Variants in EPHA3 observed in about 807,000 individuals in gnomAD.
The protein encoded by EPHA3 is ephrin type-A receptor 3.
Under a neutral mutation model 107.1 loss-of-function variants are expected in EPHA3, and 42 were observed. That is an observed-to-expected ratio of 0.39 (90% CI 0.31 to 0.51). The LOEUF (loss-of-function observed/expected upper bound fraction) is 0.51, where lower values mean the gene tolerates loss of function less well. Among genes scored for constraint, EPHA3 ranks in the 20% least tolerant of loss-of-function variants. EPHA3 has a pLI of 0.78. For synonymous variants in EPHA3, 461 were observed against 424.8 expected, an observed-to-expected ratio of 1.09 and a Z score of -1.05; for missense variants, 1,183 against 1,211.2, an observed-to-expected ratio of 0.98 and a Z score of 0.35.
intron 5 of EPHA3, among the ~76,000 whole-genome samples, chr3:89,388,289 T>C (rs1416908317): frequency 1.3e-5 from 2 of 152,182 alleles, no homozygotes; most frequent in Admixed American, 6.5e-5. Flanking sequence ...AAGCCGGCAC[T>C]ATGCTAGGCA....
At chr3:89,149,249 A>G (rs956567047) in intron 2 of EPHA3, among the ~76,000 whole-genome samples, 4 of 152,022 alleles carry the variant, frequency 2.6e-5, no homozygotes, top group African/African-American at 9.7e-5. Context: ...ATATTTACCA[A>G]AAGCAATCTA....
intron 3 of EPHA3, among the ~76,000 whole-genome samples, chr3:89,315,150 T>C (rs1706865432): frequency 1.3e-5 from 2 of 151,898 alleles, no homozygotes; most frequent in Non-Finnish European, 2.9e-5. Context: ...AACATTGTTA[T>C]GTGGTATGTG....
At chr3:89,272,394 G>A (rs1705692488) in intron 3 of EPHA3, among the ~76,000 whole-genome samples, 1 of 151,760 alleles carries the variant, frequency 6.6e-6, no homozygotes, top group Non-Finnish European at 1.5e-5. Context: ...ACACAGCTGT[G>A]GTTGTATTGA....
chr3:89,292,654 A>G (rs1016533149), intron 3 of EPHA3, among the ~76,000 whole-genome samples: 3 of 152,204 alleles, frequency 2.0e-5, no homozygotes, highest in Non-Finnish European at 4.4e-5. Flanking sequence ...AAGCATTAGC[A>G]TATCAATTCA....
intron 3 of EPHA3, among the ~76,000 whole-genome samples, chr3:89,307,991 A>T (rs148708539): frequency 0.011 from 1,603 of 152,304 alleles, 29 homozygotes; most frequent in African/African-American, 0.036. Context: ...AATTATTGCT[A>T]TTGAAAATTG....
At chr3:89,194,862 A>G (rs1705800243) in intron 2 of EPHA3, among the ~76,000 whole-genome samples, 1 of 152,028 alleles carries the variant, frequency 6.6e-6, no homozygotes, top group Non-Finnish European at 1.5e-5. Flanking sequence ...AGCAGTATAT[A>G]CCATGCCGAA....
intron 5 of EPHA3, among the ~76,000 whole-genome samples, chr3:89,386,886 T>C (rs1708633006): frequency 6.6e-6 from 1 of 152,212 alleles, no homozygotes; most frequent in South Asian, 2.1e-4. Flanking sequence ...TATTGCCTTG[T>C]TTGATTTTGG....
intron 2 of EPHA3, among the ~76,000 whole-genome samples, chr3:89,172,882 T>C (rs1375110492): frequency 1.3e-5 from 2 of 152,344 alleles, no homozygotes; most frequent in South Asian, 4.1e-4. Flanking sequence ...AACATTTTGA[T>C]GTATTTTAGG....
chr3:89,393,367 C>A (rs953144554), intron 5 of EPHA3, among the ~76,000 whole-genome samples: 1 of 152,130 alleles, frequency 6.6e-6, no homozygotes, highest in Admixed American at 6.6e-5. Flanking sequence ...TGGACAGACC[C>A]CCAAAACAGC....
At chr3:89,225,862 C>A (rs1559609033) in intron 3 of EPHA3, among the ~76,000 whole-genome samples, 1 of 152,104 alleles carries the variant, frequency 6.6e-6, no homozygotes, top group African/African-American at 2.4e-5. Flanking sequence ...ACCCAAGGGG[C>A]TATGATAACA....
chr3:89,311,185 G>A (rs1045284354), intron 3 of EPHA3, among the ~76,000 whole-genome samples: 3 of 152,014 alleles, frequency 2.0e-5, no homozygotes, highest in African/African-American at 7.2e-5. Flanking sequence ...CCCTCCCTAT[G>A]TTATAAAATT....
chr3:89,177,834 T>C (rs538797858), intron 2 of EPHA3, among the ~76,000 whole-genome samples: 2 of 152,290 alleles, frequency 1.3e-5, no homozygotes, highest in East Asian at 3.9e-4. Context: ...CCTCTTCTTC[T>C]ACCTCTCTTT....
chr3:89,377,034 G>A (rs1446098223), intron 5 of EPHA3, among the ~76,000 whole-genome samples: 1 of 152,024 alleles, frequency 6.6e-6, no homozygotes, highest in Non-Finnish European at 1.5e-5. Context: ...AGTTTTTGGA[G>A]TTGCTTCCCT....
At chr3:89,212,705 TA>T (rs1704132457) in intron 3 of EPHA3, among the ~76,000 whole-genome samples, 1 of 151,954 alleles carries the variant, frequency 6.6e-6, no homozygotes, top group Non-Finnish European at 1.5e-5. Context: ...GTCAGTTAAT[TA>T]CATTTGAGCC....
At chr3:89,322,156 A>G (rs1209066533) in intron 3 of EPHA3, among the ~76,000 whole-genome samples, 1 of 151,920 alleles carries the variant, frequency 6.6e-6, no homozygotes. Context: ...GAGAGAAAAC[A>G]GTATATACTT....
chr3:89,308,144 G>C (rs1706670894), intron 3 of EPHA3, among the ~76,000 whole-genome samples: 1 of 152,068 alleles, frequency 6.6e-6, no homozygotes, highest in African/African-American at 2.4e-5. Flanking sequence ...TTTGTGATAA[G>C]TTGTGTGAAA....
At chr3:89,386,398 C>T (rs984682607) in intron 5 of EPHA3, among the ~76,000 whole-genome samples, 12 of 152,126 alleles carry the variant, frequency 7.9e-5, no homozygotes, top group Non-Finnish European at 1.3e-4. Flanking sequence ...CTAAAAGAGG[C>T]CAAGGTATAG....
At chr3:89,426,130 G>A (rs1394042134) in intron 11 of EPHA3, among the ~76,000 whole-genome samples, 1 of 151,642 alleles carries the variant, frequency 6.6e-6, no homozygotes, top group Non-Finnish European at 1.5e-5. Context: ...GTTTCTGAGA[G>A]CCGCAAATGA....
At chr3:89,208,269 C>T (rs9826158) in intron 2 of EPHA3, among the ~76,000 whole-genome samples, 88,963 of 150,010 alleles carry the variant, frequency 0.59, 28,168 homozygotes, top group Non-Finnish European at 0.7. Flanking sequence ...ATTCAGGAGG[C>T]TGAGGCAGGA....
Sources: allele counts gnomAD v4.1 joint callset (sites outside exome capture counted in the v4.1 genomes callset), GRCh38; gene constraint gnomAD v4.1.1; transcripts MANE v1.5; gene names NCBI Gene and HGNC (gene_info 2026-07-23, HGNC 2026-07-21).